Variants in RELL1 observed in about 807,000 individuals in gnomAD.
RELL1 encodes the protein RELT like 1.
RELL1 carries 10 observed loss-of-function variants against 23.0 expected under a neutral mutation model. The ratio of observed to expected loss-of-function variants is 0.43; its 90% confidence interval spans 0.27 to 0.74. RELL1 has a LOEUF of 0.74. Among genes scored for constraint, RELL1 ranks in the 30% least tolerant of loss-of-function variants. The pLI is 0.19. For synonymous variants in RELL1, 146 were observed against 146.8 expected, an observed-to-expected ratio of 0.99 and a Z score of 0.04; for missense variants, 315 against 364.4, an observed-to-expected ratio of 0.86 and a Z score of 1.10.
At position 37,674,149 on chromosome 4, in the gene RELL1, C is replaced by T. The variant is rs564034849; in HGVS notation, c.88+12051G>A. Among the ~76,000 whole-genome samples, 4 of 152,360 alleles carry T rather than the reference C, an allele frequency of 2.6e-5. No individual in the cohort carries two copies. In the South Asian group the frequency reaches 8.3e-4, roughly 32 times the overall value. ...TGTAGTTCTCTGATTACACCAAACACATTCTCTACTATACTATAGTGATTT... is the reference window on the plus strand; with the variant it reads ...TGTAGTTCTCTGATTACACCAAACATATTCTCTACTATACTATAGTGATTT... On this transcript the variant is annotated intron_variant, in intron 1 of 6. Coordinates refer to ENST00000454158, the MANE Select transcript of RELL1 (RefSeq NM_001085400.2).
intron 4 of RELL1, among the ~76,000 whole-genome samples, chr4:37,638,244 C>A (rs1444260705): frequency 6.6e-6 from 1 of 152,180 alleles, no homozygotes; most frequent in Admixed American, 6.5e-5. Flanking sequence ...TGCTCTGACA[C>A]CTTGTGAGTG....
intron 6 of RELL1, among the ~76,000 whole-genome samples, chr4:37,613,802 T>TAACA (rs1249441046): frequency 6.6e-6 from 1 of 152,252 alleles, no homozygotes; most frequent in African/African-American, 2.4e-5. Context: ...TAAGTCATTC[T>TAACA]AACAACTGGC....
downstream of RELL1, among the ~76,000 whole-genome samples, chr4:37,587,580 A>G (rs1306916644): frequency 6.6e-6 from 1 of 152,224 alleles, no homozygotes; most frequent in East Asian, 1.9e-4. Context: ...TGGGAGACAG[A>G]GACACAGCCA....
At chr4:37,664,544 T>C (rs773770006) in intron 1 of RELL1, among the ~76,000 whole-genome samples, 7 of 152,134 alleles carry the variant, frequency 4.6e-5, no homozygotes, top group Non-Finnish European at 8.8e-5. Flanking sequence ...AAACATAATT[T>C]GTACTAGCAA....
At chr4:37,594,316 T>C (rs996656660) in intron 6 of RELL1, among the ~76,000 whole-genome samples, 21 of 152,200 alleles carry the variant, frequency 1.4e-4, no homozygotes, top group African/African-American at 4.8e-4. Context: ...GTGCCACCTC[T>C]TGTCAGAAAA....
intron 1 of RELL1, 111 bp from the exon 2 acceptor site, chr4:37,649,611 G>T: frequency 1.1e-6 from 1 of 933,858 alleles, no homozygotes; most frequent in Non-Finnish European, 1.6e-6. Context: ...GAAACCACAG[G>T]CCATGCAGAC....
chr4:37,659,118 T>C (rs556017668), intron 1 of RELL1, among the ~76,000 whole-genome samples: 52 of 152,358 alleles, frequency 3.4e-4, no homozygotes, highest in African/African-American at 1.2e-3. Context: ...AGCTTGGCTC[T>C]AGCTGGTAAG....
chr4:37,683,170 A>G (rs149529175), intron 1 of RELL1, among the ~76,000 whole-genome samples: 64 of 152,304 alleles, frequency 4.2e-4, no homozygotes, highest in African/African-American at 1.5e-3. Flanking sequence ...GTTCTAAACT[A>G]TCTTAGAATC....
chr4:37,598,078 A>AATATATATATATAT (rs138367525), intron 6 of RELL1, among the ~76,000 whole-genome samples: 3,432 of 126,560 alleles, frequency 0.027, 63 homozygotes, highest in East Asian at 0.041. Flanking sequence ...TATATATCAT[A>AATATATATATATAT]ATATATATAT....
chr4:37,593,588 T>G (rs1718720391), intron 6 of RELL1, among the ~76,000 whole-genome samples: 1 of 152,240 alleles, frequency 6.6e-6, no homozygotes, highest in South Asian at 2.1e-4. Context: ...ATCTGGTCAC[T>G]TGGCCACATC....
At chr4:37,605,793 GAGAAAGAAAGAAAGAAAGAAAGAAAGAA>G (rs771797298), downstream of RELL1, among the ~76,000 whole-genome samples, 1 of 90,302 alleles carries the variant, frequency 1.1e-5, no homozygotes, top group African/African-American at 3.9e-5. Context: ...GAGAAAGAAA[GAGAAAGAAAGAAAGAAAGAAAGAAAGAA>G]AGAAAGAAAG....
intron 1 of RELL1, among the ~76,000 whole-genome samples, chr4:37,678,082 G>A (rs1722077076): frequency 6.6e-6 from 1 of 152,184 alleles, no homozygotes; most frequent in Admixed American, 6.5e-5. Context: ...ATCTGCTTCT[G>A]GGGAGGCCTC....
chr4:37,611,693 C>A lies in RELL1; in HGVS notation c.*1653G>T, dbSNP rs960840697. Among the ~76,000 whole-genome samples, 9 of 151,708 alleles carry A rather than the reference C, an allele frequency of 5.9e-5. No homozygotes were observed. The highest frequency in any genetic ancestry group is 5.3e-4 in the Admixed American group (8 of 15,206). On this transcript the variant is annotated 3_prime_UTR_variant, in exon 7 of 7. Coordinates refer to ENST00000454158, the MANE Select transcript of RELL1 (RefSeq NM_001085400.2). ...AAATCATGTAATACTATTTATGCCT[C>A]TGGGTCCTTTCAGGTGTTTTGTAAA...
At chr4:37,685,018 C>T (rs1034565388) in intron 1 of RELL1, among the ~76,000 whole-genome samples, 5 of 152,100 alleles carry the variant, frequency 3.3e-5, no homozygotes, top group African/African-American at 1.2e-4. Context: ...GCCATTTCCC[C>T]AGGTGGATGG....
At chr4:37,650,785 C>T (rs149264572) in intron 1 of RELL1, among the ~76,000 whole-genome samples, 2 of 128,378 alleles carry the variant, frequency 1.6e-5, no homozygotes, top group Non-Finnish European at 3.1e-5. Flanking sequence ...CAACTGAGAT[C>T]GCAGGAAGAA....
chr4:37,625,610 T>A (rs1229719918), intron 6 of RELL1, among the ~76,000 whole-genome samples: 1 of 152,152 alleles, frequency 6.6e-6, no homozygotes, highest in Admixed American at 6.5e-5. Flanking sequence ...TTAGGAGGAA[T>A]AGGCCATCAA....
At chr4:37,590,416 G>GC (rs749232596), downstream of RELL1, 4 of 1,613,292 alleles carry the variant, frequency 2.5e-6, no homozygotes, top group Non-Finnish European at 3.4e-6. Context: ...GGATGACAGG[G>GC]GCTCCTGGGC....
chr4:37,643,213 A>G (rs1277498604), intron 3 of RELL1, among the ~76,000 whole-genome samples: 2 of 152,250 alleles, frequency 1.3e-5, no homozygotes, highest in Non-Finnish European at 2.9e-5. Flanking sequence ...ACTGCAAAGT[A>G]TGGAAAAAAC....
chr4:37,656,996 G>A (rs1721139628), intron 1 of RELL1, among the ~76,000 whole-genome samples: 1 of 152,174 alleles, frequency 6.6e-6, no homozygotes, highest in Admixed American at 6.5e-5. Context: ...TCTTTAGAAA[G>A]AGGCTTGAGA....
Sources: gnomAD v4.1 joint callset for allele counts (sites outside exome capture counted in the v4.1 genomes callset) on GRCh38, gnomAD v4.1.1 for gene constraint, MANE v1.5 for transcripts, NCBI Gene and HGNC (gene_info 2026-07-23, HGNC 2026-07-21) for gene names.